The following CNTNAP2 variants were observed in gnomAD, a reference collection of about 807,000 sequenced individuals.
The protein encoded by CNTNAP2 is contactin-associated protein-like 2.
In CNTNAP2, 98 loss-of-function variants were observed where a neutral mutation model predicts 155.2. That is an observed-to-expected ratio of 0.63 (90% confidence interval 0.54 to 0.75). CNTNAP2 has a LOEUF of 0.75. CNTNAP2 is among the 30% of genes least tolerant of loss of function. CNTNAP2 has a pLI of 0.00. For missense variants in CNTNAP2, 1,727 were observed against 1,688.1 expected (o/e 1.02, Z -0.40); for synonymous variants, 651 against 631.2 (o/e 1.03, Z -0.47).
At chr7:148,162,913 T>C (rs1332076703) in intron 17 of CNTNAP2, among the ~76,000 whole-genome samples, 3 of 152,128 alleles carry the variant, frequency 2.0e-5, no homozygotes, top group Admixed American at 1.3e-4. Flanking sequence ...GACAGGAGGA[T>C]TGCTTGAGCT....
At chr7:147,279,254 A>C (rs181139231) in intron 8 of CNTNAP2, among the ~76,000 whole-genome samples, 1 of 151,850 alleles carries the variant, frequency 6.6e-6, no homozygotes, top group Admixed American at 6.6e-5. Flanking sequence ...TCATCTCTAA[A>C]GAAAAAGTAA....
intron 3 of CNTNAP2, among the ~76,000 whole-genome samples, chr7:146,917,670 T>C (rs371427766): frequency 2.6e-4 from 39 of 152,214 alleles, no homozygotes; most frequent in African/African-American, 9.4e-4. Flanking sequence ...TTGGAGGTAA[T>C]TGAATCATGG....
intron 3 of CNTNAP2, among the ~76,000 whole-genome samples, chr7:146,853,390 T>G (rs1301342652): frequency 2.0e-5 from 3 of 152,066 alleles, no homozygotes; most frequent in Non-Finnish European, 4.4e-5. Flanking sequence ...CACAGGCACA[T>G]GTACACACAC....
At chr7:148,016,080 C>A (rs1399528565) in intron 15 of CNTNAP2, among the ~76,000 whole-genome samples, 1 of 152,200 alleles carries the variant, frequency 6.6e-6, no homozygotes, top group African/African-American at 2.4e-5. Flanking sequence ...CTGCACAGTT[C>A]TATTTCCTTT....
At chr7:147,006,776 G>A (rs749680702) in intron 3 of CNTNAP2, among the ~76,000 whole-genome samples, 2 of 151,956 alleles carry the variant, frequency 1.3e-5, no homozygotes, top group African/African-American at 2.4e-5. Flanking sequence ...ATTTTACTAT[G>A]TTTCCTTGTA....
At position 146,209,120 on chromosome 7, in the gene CNTNAP2, C is replaced by T. The variant is rs921029952; in HGVS notation, c.97+92147C>T. On this transcript the variant is annotated intron_variant, in intron 1 of 23. Coordinates refer to ENST00000361727, the MANE Select transcript of CNTNAP2 (RefSeq NM_014141.6). ...TGCCTCTTTCTGTAGGTGATGCTGT[C>T]GCCATTTAAATACCTGGAAATGAGC... Among the ~76,000 whole-genome samples the T allele has an allele frequency of 4.6e-5, 7 of 152,150 alleles. No individual in the cohort carries two copies. In the East Asian group the frequency reaches 5.8e-4, roughly 13 times the overall value.
At chr7:148,236,738 G>A (rs986207194) in intron 20 of CNTNAP2, among the ~76,000 whole-genome samples, 3 of 152,320 alleles carry the variant, frequency 2.0e-5, no homozygotes, top group Non-Finnish European at 2.9e-5. Flanking sequence ...TGTACAAGAC[G>A]CATAGCAGCT....
At chr7:147,900,315 A>T (rs1306245578) in intron 13 of CNTNAP2, among the ~76,000 whole-genome samples, 3 of 152,160 alleles carry the variant, frequency 2.0e-5, no homozygotes, top group African/African-American at 7.2e-5. Flanking sequence ...CTGGATCATG[A>T]GGGCTATTCC....
At chr7:147,127,375 C>T (rs1235385344) in intron 6 of CNTNAP2, among the ~76,000 whole-genome samples, 1 of 151,480 alleles carries the variant, frequency 6.6e-6, no homozygotes, top group African/African-American at 2.4e-5. Flanking sequence ...GTAAATGAGG[C>T]CTTTGTTTTT....
intron 15 of CNTNAP2, among the ~76,000 whole-genome samples, chr7:148,028,402 A>T (rs1231625765): frequency 6.6e-6 from 1 of 152,206 alleles, no homozygotes; most frequent in African/African-American, 2.4e-5. Flanking sequence ...ATATGGGAAA[A>T]ATCAGTTTAA....
At chr7:147,483,741 T>G (rs1006062862) in intron 10 of CNTNAP2, among the ~76,000 whole-genome samples, 3 of 152,252 alleles carry the variant, frequency 2.0e-5, no homozygotes, top group Non-Finnish European at 4.4e-5. Flanking sequence ...CATGTAATTT[T>G]GAAGTGTCTA....
At chr7:147,382,051 TAATC>T (rs1796546498) in intron 9 of CNTNAP2, among the ~76,000 whole-genome samples, 1 of 152,090 alleles carries the variant, frequency 6.6e-6, no homozygotes, top group Non-Finnish European at 1.5e-5. Context: ...TTAAATCAAT[TAATC>T]TAATAAACAT....
chr7:148,001,412 A>T (rs967016153), intron 15 of CNTNAP2, among the ~76,000 whole-genome samples: 2 of 152,210 alleles, frequency 1.3e-5, no homozygotes, highest in African/African-American at 4.8e-5. Context: ...GCCCACCTGG[A>T]AGGTCCCATC....
intron 21 of CNTNAP2, among the ~76,000 whole-genome samples, chr7:148,327,936 G>C (rs1452060773): frequency 6.6e-6 from 1 of 152,096 alleles, no homozygotes; most frequent in Non-Finnish European, 1.5e-5. Flanking sequence ...GAGTTTACAG[G>C]TAAAATGTCC....
intron 15 of CNTNAP2, among the ~76,000 whole-genome samples, chr7:148,098,696 A>G (rs372548797): frequency 6.6e-6 from 1 of 152,114 alleles, no homozygotes; most frequent in African/African-American, 2.4e-5. Context: ...AATTTTCATT[A>G]AAATAAATAT....
chr7:146,805,069 A>G (rs1802943257), intron 2 of CNTNAP2, among the ~76,000 whole-genome samples: 1 of 152,224 alleles, frequency 6.6e-6, no homozygotes, highest in African/African-American at 2.4e-5. Flanking sequence ...GACTTTGGGC[A>G]TAGTGGCCAT....
intron 1 of CNTNAP2, among the ~76,000 whole-genome samples, chr7:146,219,948 A>C (rs1282221512): frequency 6.6e-6 from 1 of 152,108 alleles, no homozygotes; most frequent in Non-Finnish European, 1.5e-5. Context: ...ACAGCCCCTT[A>C]ATTTTACAGA....
chr7:147,984,756 T>C (rs1243589234), intron 15 of CNTNAP2, among the ~76,000 whole-genome samples: 2 of 152,142 alleles, frequency 1.3e-5, no homozygotes, highest in Non-Finnish European at 2.9e-5. Context: ...GAAGCTTATA[T>C]ATCATCCTGG....
chr7:147,874,788 T>C (rs1799394552), intron 13 of CNTNAP2, among the ~76,000 whole-genome samples: 1 of 152,228 alleles, frequency 6.6e-6, no homozygotes, highest in Non-Finnish European at 1.5e-5. Flanking sequence ...ACTTCTATGC[T>C]CTGCTTCATC....
Sources: allele counts gnomAD v4.1 joint callset (sites outside exome capture counted in the v4.1 genomes callset), GRCh38; gene constraint gnomAD v4.1.1; transcripts MANE v1.5; gene names NCBI Gene and HGNC (gene_info 2026-07-23, HGNC 2026-07-21).